Variants in ROBO1 observed in about 807,000 individuals in gnomAD.
ROBO1 encodes roundabout homolog 1.
In ROBO1, 149 loss-of-function variants were observed where a neutral mutation model predicts 195.9. That is an observed-to-expected ratio of 0.76 (90% CI 0.67 to 0.87). ROBO1 has a LOEUF of 0.87. ROBO1 is among the 40% of genes least tolerant of loss of function. The pLI, the probability that ROBO1 is intolerant of heterozygous loss-of-function variation, is 0.00. For synonymous variants in ROBO1, 816 were observed against 733.2 expected (o/e 1.11, Z -1.82); for missense variants, 1,933 against 2,068.3 (o/e 0.93, Z 1.27).
At chr3:79,414,778 G>A (rs1224194197) in intron 2 of ROBO1, among the ~76,000 whole-genome samples, 1 of 152,120 alleles carries the variant, frequency 6.6e-6, no homozygotes, top group African/African-American at 2.4e-5. Flanking sequence ...CACATTCAAA[G>A]ACTAGCTTTC....
At chr3:79,217,089 A>G (rs80174724) in intron 2 of ROBO1, among the ~76,000 whole-genome samples, 2,190 of 152,216 alleles carry the variant, frequency 0.014, 39 homozygotes, top group African/African-American at 0.046. Flanking sequence ...CACTCTGTGA[A>G]TAGTCTGATT....
chr3:78,691,107 G>A (rs546386938), intron 8 of ROBO1, among the ~76,000 whole-genome samples: 1 of 152,146 alleles, frequency 6.6e-6, no homozygotes, highest in South Asian at 2.1e-4. Flanking sequence ...TCTTCTATAT[G>A]TGTGTTAAAT....
intron 1 of ROBO1, among the ~76,000 whole-genome samples, chr3:79,676,826 A>G (rs34488922): frequency 0.31 from 46,851 of 151,864 alleles, 8,767 homozygotes; most frequent in African/African-American, 0.54. Flanking sequence ...AAGGGATGAG[A>G]ATGAGGGGGA....
At chr3:78,958,854 T>TTGCTCAG (rs1438471211) in intron 3 of ROBO1, among the ~76,000 whole-genome samples, 1 of 150,604 alleles carries the variant, frequency 6.6e-6, no homozygotes, top group Non-Finnish European at 1.5e-5. Flanking sequence ...AGATCAGGTC[T>TTGCTCAG]TGCTCAGTCA....
chr3:79,608,262 C>T (rs1944551521), intron 1 of ROBO1, among the ~76,000 whole-genome samples: 1 of 151,954 alleles, frequency 6.6e-6, no homozygotes, highest in Non-Finnish European at 1.5e-5. Flanking sequence ...ATCAGCTCTT[C>T]AGCCCTTCTC....
At chr3:79,748,162 G>T (rs1703956129) in intron 1 of ROBO1, among the ~76,000 whole-genome samples, 1 of 151,948 alleles carries the variant, frequency 6.6e-6, no homozygotes, top group African/African-American at 2.4e-5. Flanking sequence ...ACAAATAGTA[G>T]AATACAGTTA....
At chr3:79,080,453 A>G (rs2079251864) in intron 3 of ROBO1, among the ~76,000 whole-genome samples, 1 of 152,024 alleles carries the variant, frequency 6.6e-6, no homozygotes, top group Admixed American at 6.6e-5. Flanking sequence ...AGATAAAATG[A>G]CATTAGATTC....
At chr3:79,031,123 T>G (rs974808604) in intron 3 of ROBO1, among the ~76,000 whole-genome samples, 11 of 152,238 alleles carry the variant, frequency 7.2e-5, no homozygotes, top group Non-Finnish European at 1.5e-4. Flanking sequence ...CATGGACACT[T>G]AGCTAGATGT....
In ROBO1 at chr3:79,399,698, T is replaced by C. The variant is rs370525506; in HGVS notation, c.88+190126A>G. On this transcript the variant is annotated intron_variant, in intron 2 of 30. Coordinates refer to ENST00000464233, the MANE Select transcript of ROBO1 (RefSeq NM_002941.4). ...TAAAATTTCCTTAAAAACATCAAGA[T>C]TGTTTTTAATAGGAAGAAAAAACCT... Among the ~76,000 whole-genome samples, 37 of 152,294 alleles carry C rather than the reference T, an allele frequency of 2.4e-4. No individual in the cohort carries two copies. The East Asian group carries it at 5.0e-3, about 21-fold the overall frequency.
chr3:79,378,742 G>T (rs973711890), intron 2 of ROBO1, among the ~76,000 whole-genome samples: 1 of 152,176 alleles, frequency 6.6e-6, no homozygotes, highest in South Asian at 2.1e-4. Flanking sequence ...GCTCAGAAGA[G>T]AAGTAAACTT....
At chr3:78,945,017 C>T (rs1005146548) in intron 3 of ROBO1, among the ~76,000 whole-genome samples, 4 of 152,128 alleles carry the variant, frequency 2.6e-5, no homozygotes, top group Non-Finnish European at 2.9e-5. Context: ...ACAAAGCTAC[C>T]GGGAAGCTCA....
chr3:79,430,440 T>G (rs1303477517), intron 2 of ROBO1, among the ~76,000 whole-genome samples: 1 of 152,134 alleles, frequency 6.6e-6, no homozygotes, highest in Non-Finnish European at 1.5e-5. Flanking sequence ...AAACTTAAAT[T>G]GATTTCATTT....
At chr3:79,259,563 T>A (rs1445412153) in intron 2 of ROBO1, among the ~76,000 whole-genome samples, 1 of 152,012 alleles carries the variant, frequency 6.6e-6, no homozygotes, top group African/African-American at 2.4e-5. Flanking sequence ...CCATTAACCA[T>A]CCCCACCTCC....
At chr3:79,410,547 A>T (rs1162416009) in intron 2 of ROBO1, among the ~76,000 whole-genome samples, 1 of 151,848 alleles carries the variant, frequency 6.6e-6, no homozygotes, top group African/African-American at 2.4e-5. Context: ...ACCTATAGAC[A>T]TGCCTTTTCT....
chr3:79,243,269 T>C (rs2082556796), intron 2 of ROBO1, among the ~76,000 whole-genome samples: 2 of 152,132 alleles, frequency 1.3e-5, no homozygotes, highest in African/African-American at 2.4e-5. Flanking sequence ...GTCTTTGCTA[T>C]TGTGAATAGT....
intron 2 of ROBO1, among the ~76,000 whole-genome samples, chr3:79,500,521 C>T (rs1284097751): frequency 3.3e-5 from 5 of 152,202 alleles, no homozygotes; most frequent in South Asian, 2.1e-4. Flanking sequence ...GCTCCTGTGA[C>T]GCACCTGCCC....
chr3:79,084,581 A>T (rs2079333694), intron 3 of ROBO1, among the ~76,000 whole-genome samples: 1 of 152,210 alleles, frequency 6.6e-6, no homozygotes, highest in African/African-American at 2.4e-5. Flanking sequence ...TATTGCCAGG[A>T]ATTTCCTCAA....
intron 4 of ROBO1, among the ~76,000 whole-genome samples, chr3:78,897,282 C>T (rs1036187955): frequency 2.0e-5 from 3 of 152,154 alleles, no homozygotes; most frequent in African/African-American, 7.2e-5. Flanking sequence ...GGAACACAAG[C>T]ATCAGTATTT....
intron 2 of ROBO1, among the ~76,000 whole-genome samples, chr3:79,197,760 G>A (rs1201505915): frequency 2.6e-5 from 4 of 152,020 alleles, no homozygotes. Context: ...ATCTTATTGT[G>A]GTTTTGATTT....
Sources: allele counts gnomAD v4.1 joint callset (sites outside exome capture counted in the v4.1 genomes callset), GRCh38; gene constraint gnomAD v4.1.1; transcripts MANE v1.5; gene names NCBI Gene and HGNC (gene_info 2026-07-23, HGNC 2026-07-21).